Variants in AP1S3 observed in about 807,000 individuals in gnomAD.
The protein encoded by AP1S3 is AP-1 complex subunit sigma-3.
AP1S3 carries 10 observed loss-of-function variants against 20.9 expected under a neutral mutation model. The observed-to-expected ratio is 0.48, with a 90% CI of 0.29 to 0.81. AP1S3 has a LOEUF of 0.81. Among genes scored for constraint, AP1S3 ranks in the 30% least tolerant of loss-of-function variants. The pLI is 0.08. For synonymous variants in AP1S3, 41 were observed against 61.5 expected (o/e 0.67, Z 1.56); for missense variants, 154 against 183.8 (o/e 0.84, Z 0.94).
rs947752028 is a variant in AP1S3, at chr2:223,778,140, T to G, written c.4-271A>C. ...TTTTTGTTTGTTTGTTTGTTTGTTT[T>G]TTTGAGAAGGAGTGTCGCTCTGCTG... On this transcript the variant is annotated intron_variant, in intron 1 of 4. Transcript: ENST00000396654. Among the ~76,000 whole-genome samples the G allele has an allele frequency of 6.6e-5, 10 of 152,098 alleles. No individual in the cohort carries two copies. The East Asian group carries it at 7.7e-4, about 12-fold the overall frequency.
chr2:223,831,045 G>A (rs1692246067), intron 1 of AP1S3, among the ~76,000 whole-genome samples: 1 of 151,904 alleles, frequency 6.6e-6, no homozygotes, highest in Admixed American at 6.6e-5. Flanking sequence ...TTTTAATAGA[G>A]ACTGAGTCTC....
chr2:223,777,648 AAAGT>A (rs1690818370), intron 2 of AP1S3, 39 bp downstream of exon 2: 6 of 1,570,704 alleles, frequency 3.8e-6, no homozygotes, highest in Non-Finnish European at 4.3e-6. Flanking sequence ...AGAACAAACC[AAAGT>A]AAGACTGAGA....
At chr2:223,816,000 C>T (rs1458455755) in intron 1 of AP1S3, among the ~76,000 whole-genome samples, 1 of 152,200 alleles carries the variant, frequency 6.6e-6, no homozygotes, top group African/African-American at 2.4e-5. Flanking sequence ...GTCCCAGCTA[C>T]TCAGGAGGCT....
At chr2:223,763,343 C>T (rs1289657885) in intron 4 of AP1S3, among the ~76,000 whole-genome samples, 2 of 152,168 alleles carry the variant, frequency 1.3e-5, no homozygotes, top group Non-Finnish European at 2.9e-5. Flanking sequence ...CTTTTTAAAA[C>T]ATTTCCTAAT....
At chr2:223,782,504 A>G (rs1310978139) in intron 1 of AP1S3, among the ~76,000 whole-genome samples, 1 of 152,170 alleles carries the variant, frequency 6.6e-6, no homozygotes, top group Admixed American at 6.6e-5. Flanking sequence ...TGAGAGGTGT[A>G]ACTATTGCTG....
chr2:223,822,260 T>C (rs572685949), intron 1 of AP1S3, among the ~76,000 whole-genome samples: 2 of 151,816 alleles, frequency 1.3e-5, no homozygotes, highest in Non-Finnish European at 2.9e-5. Flanking sequence ...GGGCATGGTG[T>C]CACGACCTGT....
At chr2:223,797,463 A>G (rs765892936) in intron 1 of AP1S3, among the ~76,000 whole-genome samples, 3 of 152,140 alleles carry the variant, frequency 2.0e-5, no homozygotes, top group Non-Finnish European at 4.4e-5. Context: ...TTGTCAATTA[A>G]TAATAATAAA....
At position 223,758,617 on chromosome 2, in the gene AP1S3, G is replaced by C. The variant is rs999332787; in HGVS notation, c.*98C>G. ...AAAGAATCCCTTTAAATTATTTTTGGCATGGTGCCTGAGGCTCCATCAAAA... is the reference window on the plus strand; with the variant it reads ...AAAGAATCCCTTTAAATTATTTTTGCCATGGTGCCTGAGGCTCCATCAAAA... On this transcript the variant is annotated 3_prime_UTR_variant, in exon 5 of 5. Transcript: ENST00000396654. The C allele has an allele frequency of 4.3e-6, 6 of 1,400,110 alleles. No homozygotes were observed. In the African/African-American group the frequency reaches 8.9e-5, roughly 21 times the overall value. The allele number at this position is 1,400,110 out of a possible 1,614,324, so 86.7% of individuals were successfully genotyped here.
At chr2:223,784,653 G>C (rs1432553175) in intron 1 of AP1S3, among the ~76,000 whole-genome samples, 2 of 152,090 alleles carry the variant, frequency 1.3e-5, no homozygotes, top group Non-Finnish European at 2.9e-5. Flanking sequence ...AGCAGTAAGT[G>C]TCAAGAGTCC....
At chr2:223,811,033 A>G (rs546501422) in intron 1 of AP1S3, among the ~76,000 whole-genome samples, 20 of 152,076 alleles carry the variant, frequency 1.3e-4, no homozygotes, top group Non-Finnish European at 2.5e-4. Context: ...TTGAATTACA[A>G]GTGGTTTTGG....
In AP1S3 at chr2:223,833,030, G is replaced by A. The variant is rs183578091; in HGVS notation, c.3+4418C>T. Among the ~76,000 whole-genome samples the A allele has an allele frequency of 2.3e-3, 344 of 151,944 alleles. 2 individuals carry two copies. The highest frequency in any genetic ancestry group is 3.7e-3 in the Non-Finnish European group (254 of 67,994). On this transcript the variant is annotated intron_variant, in intron 1 of 4. Coordinates refer to ENST00000396654, the MANE Select transcript of AP1S3 (RefSeq NM_001039569.2). ...AACGGAATTTGCAACACAAAAAGAC[G>A]GTTATTCATGTTTCCAAAGGGATCA... is the stretch of plus-strand genomic sequence containing the variant.
At chr2:223,796,751 C>T (rs1012616575) in intron 1 of AP1S3, among the ~76,000 whole-genome samples, 22 of 152,158 alleles carry the variant, frequency 1.4e-4, no homozygotes, top group African/African-American at 4.8e-4. Context: ...GCATCCTCCA[C>T]GTCCTAGGTT....
intron 1 of AP1S3, among the ~76,000 whole-genome samples, chr2:223,786,751 A>G (rs1325917734): frequency 6.6e-6 from 1 of 152,108 alleles, no homozygotes; most frequent in African/African-American, 2.4e-5. Context: ...AAAAAGATAC[A>G]AAAATTAGCC....
chr2:223,756,690 G>A lies in AP1S3; in HGVS notation c.*2025C>T. On this transcript the variant is annotated 3_prime_UTR_variant, in exon 5 of 5. Transcript: ENST00000396654. ...TCTGAGTTATTTCCTTTGAACAATGGTTATATTGAGGAATTGGTGAATTTT... is the reference window on the plus strand; with the variant it reads ...TCTGAGTTATTTCCTTTGAACAATGATTATATTGAGGAATTGGTGAATTTT... 2.0e-6 allele frequency: 2 copies of A among 985,296 alleles called. No individual in the cohort carries two copies. Among genetic ancestry groups the A allele is most frequent in the Non-Finnish European group, 2.4e-6 (2 of 829,878 alleles). 61.0% of individuals were successfully genotyped at this position (985,296 alleles called of 1,614,324 possible). A position where few individuals can be genotyped will look rare whatever the true frequency, so the allele number is the denominator to read the frequency against.
chr2:223,832,204 A>G (rs1559149624), intron 1 of AP1S3, among the ~76,000 whole-genome samples: 1 of 145,118 alleles, frequency 6.9e-6, no homozygotes, highest in Non-Finnish European at 1.5e-5. Flanking sequence ...GAGTAATTTT[A>G]TCATTATGTC....
Position 223,828,058 on chromosome 2 carries a change from T to TAAAA in AP1S3, c.3+9386_3+9389dup, listed in dbSNP as rs527671959. On this transcript the variant is annotated intron_variant, in intron 1 of 4. Coordinates refer to ENST00000396654, the MANE Select transcript of AP1S3 (RefSeq NM_001039569.2). Reference sequence around the variant, plus strand: ...TGGGGTACAAGAGCAAGACTTCATCTAAAAAAAAAAAAAAAAAAAAAAAAA... The same window carrying TAAAA: ...TGGGGTACAAGAGCAAGACTTCATCTAAAAAAAAAAAAAAAAAAAAAAAAAAAAA... 1.6e-3 allele frequency among the ~76,000 whole-genome samples: 149 copies of TAAAA among 94,464 alleles called. 2 individuals are homozygous for TAAAA. Among genetic ancestry groups the TAAAA allele is most frequent in the Non-Finnish European group, 2.1e-3 (92 of 44,224 alleles). 62.0% of individuals were successfully genotyped at this position (94,464 alleles called of 152,430 possible). A position where few individuals can be genotyped will look rare whatever the true frequency, so the allele number is the denominator to read the frequency against.
rs989565955 is a variant in AP1S3, at chr2:223,757,877, C to T, written c.*838G>A. ...TTCCAGCATCTAAGAGTGCTTGGAA[C>T]GTGAATTTTAAAAAATAGTAGCAAT... On this transcript the variant is annotated 3_prime_UTR_variant, in exon 5 of 5. Transcript: ENST00000396654. 7.9e-5 allele frequency: 78 copies of T among 984,358 alleles called. No homozygotes were observed. Among genetic ancestry groups the T allele is most frequent in the South Asian group, 6.6e-4 (14 of 21,256 alleles). The allele number at this position is 984,358 out of a possible 1,614,324, so 61.0% of individuals were successfully genotyped here. A position where few individuals can be genotyped will look rare whatever the true frequency, so the allele number is the denominator to read the frequency against.
In AP1S3 at chr2:223,769,192, A is replaced by C. The variant is rs76535724; in HGVS notation, c.292-3842T>G. Reference sequence around the variant, plus strand: ...TTTTTATTCTAAATGATGCTGCCATAATTTTTGTTGTGTATTGTATACTAA... The same window carrying C: ...TTTTTATTCTAAATGATGCTGCCATCATTTTTGTTGTGTATTGTATACTAA... On this transcript the variant is annotated intron_variant, in intron 3 of 4. Transcript: ENST00000396654. Among the ~76,000 whole-genome samples, 1,507 of 152,272 alleles carry C rather than the reference A, an allele frequency of 9.9e-3. 26 individuals carry two copies. The highest frequency in any genetic ancestry group is 0.033 in the African/African-American group (1,374 of 41,554).
intron 3 of AP1S3, 53 bp downstream of exon 3, chr2:223,775,848 A>G: frequency 7.4e-7 from 1 of 1,356,216 alleles, no homozygotes. Context: ...GAACTGAAGT[A>G]AGAGCTGAGA....
Sources: gnomAD v4.1 joint callset for allele counts (sites outside exome capture counted in the v4.1 genomes callset) on GRCh38, gnomAD v4.1.1 for gene constraint, MANE v1.5 for transcripts, NCBI Gene and HGNC (gene_info 2026-07-23, HGNC 2026-07-21) for gene names.